Variants in SLC35F4 observed in about 807,000 individuals in gnomAD.
SLC35F4 encodes chromosome 14 open reading frame 36.
Under a neutral mutation model 44.2 loss-of-function variants are expected in SLC35F4, and 24 were observed. The observed-to-expected ratio is 0.54, with a 90% CI of 0.39 to 0.76. SLC35F4 has a LOEUF of 0.76. Among genes scored for constraint, SLC35F4 ranks in the 30% least tolerant of loss-of-function variants. The pLI is 0.00. For missense variants in SLC35F4, 562 were observed against 586.1 expected, an observed-to-expected ratio of 0.96 and a Z score of 0.42; for synonymous variants, 238 against 223.6, an observed-to-expected ratio of 1.06 and a Z score of -0.57.
intron 1 of SLC35F4, among the ~76,000 whole-genome samples, chr14:57,755,213 G>T (rs1052460995): frequency 2.0e-5 from 3 of 152,154 alleles, no homozygotes; most frequent in African/African-American, 4.8e-5. Flanking sequence ...GTGTTGGCGG[G>T]GTTCTAGGCC....
At chr14:57,923,211 A>G (rs1889477206) in intron 1 of SLC35F4, among the ~76,000 whole-genome samples, 1 of 152,200 alleles carries the variant, frequency 6.6e-6, no homozygotes, top group Non-Finnish European at 1.5e-5. Context: ...ACTTTCTCAA[A>G]GTGTATTTAA....
At chr14:57,723,428 G>A (rs904624099) in intron 1 of SLC35F4, among the ~76,000 whole-genome samples, 4 of 152,194 alleles carry the variant, frequency 2.6e-5, no homozygotes, top group Admixed American at 2.0e-4. Flanking sequence ...AGATGCAGGG[G>A]TGGTGATTTT....
Position 57,839,784 on chromosome 14 carries a change from G to A in SLC35F4, c.103+25939C>T, listed in dbSNP as rs572853789. Among the ~76,000 whole-genome samples the A allele has an allele frequency of 3.3e-5, 5 of 152,192 alleles. No individual in the cohort carries two copies. In the South Asian group the frequency reaches 1.0e-3, roughly 32 times the overall value. Reference sequence around the variant, plus strand: ...AAAAGTTGCAGAAAAAAATGTACATGCTCAGGACACAGCTCCAGGGACCTG... The same window carrying A: ...AAAAGTTGCAGAAAAAAATGTACATACTCAGGACACAGCTCCAGGGACCTG... On this transcript the variant is annotated intron_variant, in intron 1 of 7. Transcript: ENST00000556826.
At chr14:57,741,579 G>A (rs1021628654) in intron 1 of SLC35F4, among the ~76,000 whole-genome samples, 1 of 152,098 alleles carries the variant, frequency 6.6e-6, no homozygotes, top group Non-Finnish European at 1.5e-5. Flanking sequence ...TCCAAGAAAT[G>A]AGACTATGTA....
intron 1 of SLC35F4, among the ~76,000 whole-genome samples, chr14:57,752,513 T>G (rs11850071): frequency 0.011 from 1,690 of 151,242 alleles, 27 homozygotes; most frequent in African/African-American, 0.039. Flanking sequence ...CAGGCCGGAG[T>G]GCAGTGGTGT....
At chr14:57,959,495 A>G (rs999652302) in intron 1 of SLC35F4, among the ~76,000 whole-genome samples, 2 of 152,194 alleles carry the variant, frequency 1.3e-5, no homozygotes, top group Non-Finnish European at 2.9e-5. Flanking sequence ...GGTTCTACCC[A>G]TACACTCATA....
intron 1 of SLC35F4, among the ~76,000 whole-genome samples, chr14:57,834,574 G>T (rs1258841737): frequency 6.6e-6 from 1 of 152,232 alleles, no homozygotes; most frequent in Non-Finnish European, 1.5e-5. Flanking sequence ...GCCAGTGAAG[G>T]GAGGGGAGAT....
chr14:57,692,848 T>G (rs1475681599), intron 1 of SLC35F4, among the ~76,000 whole-genome samples: 2 of 152,122 alleles, frequency 1.3e-5, no homozygotes, highest in East Asian at 1.9e-4. Flanking sequence ...CCATATTATT[T>G]GTGTGCAAAT....
At chr14:57,928,005 T>A (rs183085813) in intron 1 of SLC35F4, among the ~76,000 whole-genome samples, 2 of 151,952 alleles carry the variant, frequency 1.3e-5, no homozygotes, top group African/African-American at 4.8e-5. Context: ...AAATTTGTGA[T>A]GAAAGGAAAG....
intron 1 of SLC35F4, among the ~76,000 whole-genome samples, chr14:57,706,002 T>C (rs2075666041): frequency 6.6e-6 from 1 of 152,164 alleles, no homozygotes; most frequent in South Asian, 2.1e-4. Context: ...AAGGCACCTT[T>C]AACTAAAGAA....
Position 57,581,280 on chromosome 14 carries a change from A to T in SLC35F4, c.741T>A (p.Cys247Ter), listed in dbSNP as rs1265658552. ...GCAAGAAGACAAAGGCTTTGTTACA[A>T]CAGAACAGAGCGGAGACATCCGTGG... Reference protein sequence around the residue: ...LTATDVSALFCCNKAFVFLLS... With the variant: ...LTATDVSALF The change falls in exon 4 of 8, where the codon TGT (cysteine) becomes TGA (stop). Residue 247 changes from cysteine to a stop codon, truncating the protein, a stop_gained. Transcript: ENST00000556826. LOFTEE classifies it high-confidence loss of function. 1 of 1,612,896 alleles carries T rather than the reference A, an allele frequency of 6.2e-7. No homozygotes were observed. Among genetic ancestry groups the T allele is most frequent in the Non-Finnish European group, 8.5e-7 (1 of 1,179,510 alleles).
intron 1 of SLC35F4, among the ~76,000 whole-genome samples, chr14:57,615,936 C>T (rs1595059408): frequency 6.6e-6 from 1 of 152,282 alleles, no homozygotes; most frequent in Non-Finnish European, 1.5e-5. Context: ...ACTAACTGAG[C>T]ACCTGACCCT....
chr14:57,952,033 G>A lies in SLC35F4; in HGVS notation n.282+29880C>T, dbSNP rs555397621. Reference sequence around the variant, plus strand: ...GGGTCGACAGATACCTCATACAGGAGAGCTATGACTGTTATCTGATGGGTG... The same window carrying A: ...GGGTCGACAGATACCTCATACAGGAAAGCTATGACTGTTATCTGATGGGTG... On this transcript the variant is annotated intron_variant and non_coding_transcript_variant, in intron 1 of 1. Transcript: ENST00000556568. 2.6e-5 allele frequency among the ~76,000 whole-genome samples: 4 copies of A among 152,190 alleles called. No homozygotes were observed. In the East Asian group the frequency reaches 7.7e-4, roughly 29 times the overall value.
chr14:57,796,390 G>A (rs998682786), intron 1 of SLC35F4, among the ~76,000 whole-genome samples: 4 of 152,174 alleles, frequency 2.6e-5, no homozygotes, highest in African/African-American at 9.6e-5. Context: ...AACTTTGCTT[G>A]ATTACCTCAG....
chr14:57,709,875 T>C (rs952141781), intron 1 of SLC35F4, among the ~76,000 whole-genome samples: 1 of 152,168 alleles, frequency 6.6e-6, no homozygotes, highest in African/African-American at 2.4e-5. Context: ...GGAACTTATG[T>C]TTTAAAGGGA....
intron 1 of SLC35F4, among the ~76,000 whole-genome samples, chr14:57,706,666 C>T (rs572042842): frequency 1.3e-5 from 2 of 152,190 alleles, no homozygotes; most frequent in South Asian, 4.2e-4. Flanking sequence ...GGCATTTGGC[C>T]ACATGAGTGG....
chr14:57,980,444 T>G (rs2141100780), intron 1 of SLC35F4, among the ~76,000 whole-genome samples: 2 of 152,312 alleles, frequency 1.3e-5, no homozygotes, highest in South Asian at 2.1e-4. Context: ...GCAGCACCTC[T>G]GGGCTGTTAG....
intron 1 of SLC35F4, among the ~76,000 whole-genome samples, chr14:57,661,302 G>A (rs1196749373): frequency 6.6e-6 from 1 of 152,104 alleles, no homozygotes; most frequent in East Asian, 1.9e-4. Context: ...GGAACCCAGA[G>A]GAGCCCTTTT....
At chr14:57,751,767 G>A (rs1342450806) in intron 1 of SLC35F4, among the ~76,000 whole-genome samples, 1 of 152,074 alleles carries the variant, frequency 6.6e-6, no homozygotes, top group African/African-American at 2.4e-5. Flanking sequence ...AAATTCTATG[G>A]TCACAATGAA....
Sources: allele counts gnomAD v4.1 joint callset (sites outside exome capture counted in the v4.1 genomes callset), GRCh38; gene constraint gnomAD v4.1.1; transcripts MANE v1.5; gene names NCBI Gene and HGNC (gene_info 2026-07-23, HGNC 2026-07-21).